ACACA: variants seen among roughly 807,000 people sequenced by gnomAD.
ACACA encodes acetyl-CoA carboxylase alpha, also known as acetyl-CoA carboxylase 1.
A neutral mutation model predicts 296.1 loss-of-function variants in ACACA; 103 were observed. That is an observed-to-expected ratio of 0.35 (90% CI 0.30 to 0.41). The LOEUF is 0.41. Ranked by LOEUF, ACACA falls within the 10% of genes least tolerant of loss-of-function variation. The probability of loss-of-function intolerance (pLI) is 1.00; values close to 1 mark genes in which losing one functional copy is unlikely to be tolerated. For synonymous variants in ACACA, 953 were observed against 1,038.6 expected, an observed-to-expected ratio of 0.92 and a Z score of 1.58; for missense variants, 1,554 against 2,989.7, an observed-to-expected ratio of 0.52 and a Z score of 11.20.
chr17:37,249,257 C>G (rs1272222804), intron 16 of ACACA, among the ~76,000 whole-genome samples: 3 of 152,164 alleles, frequency 2.0e-5, no homozygotes, highest in African/African-American at 7.2e-5. Context: ...ATCCAGTCAT[C>G]CATCAACCAA....
chr17:37,205,377 G>A (rs895283891), intron 33 of ACACA, among the ~76,000 whole-genome samples: 13 of 152,068 alleles, frequency 8.5e-5, no homozygotes, highest in African/African-American at 3.1e-4. Context: ...GAGGATAGAT[G>A]TATAACTGAT....
At chr17:37,108,100 C>A (rs2073788985) in intron 52 of ACACA, among the ~76,000 whole-genome samples, 2 of 152,196 alleles carry the variant, frequency 1.3e-5, no homozygotes. Context: ...TTCTGTGAAT[C>A]AGGGTCAGAA....
chr17:37,257,117 C>T (rs2081262710), intron 14 of ACACA, among the ~76,000 whole-genome samples: 1 of 152,022 alleles, frequency 6.6e-6, no homozygotes, highest in African/African-American at 2.4e-5. Flanking sequence ...TATGATATAG[C>T]AGTTATATTT....
intron 36 of ACACA, among the ~76,000 whole-genome samples, chr17:37,192,976 T>C (rs997180000): frequency 2.0e-5 from 3 of 152,212 alleles, no homozygotes; most frequent in Non-Finnish European, 2.9e-5. Flanking sequence ...GTCAAATATA[T>C]AAGCCGGTAA....
chr17:37,395,820 G>A (rs989156630), intron 1 of ACACA, among the ~76,000 whole-genome samples: 4 of 152,084 alleles, frequency 2.6e-5, no homozygotes, highest in African/African-American at 9.7e-5. Flanking sequence ...TGGGATTATA[G>A]GCGCGAGCCA....
Position 37,192,072 on chromosome 17 carries a change from T to A in ACACA, c.4416+18A>T. 1 of 1,612,972 alleles carries A rather than the reference T, an allele frequency of 6.2e-7. No homozygotes were observed. Among genetic ancestry groups the A allele is most frequent in the Non-Finnish European group, 8.5e-7 (1 of 1,179,030 alleles). On this transcript the variant is annotated intron_variant, in intron 37 of 55. Transcript: ENST00000616317. ...CCCTTCCCTCAGGGATAACATCCCATTAAAGTACAGCACCCACCTTGGTGA... is the reference window on the plus strand; with the variant it reads ...CCCTTCCCTCAGGGATAACATCCCAATAAAGTACAGCACCCACCTTGGTGA...
chr17:37,226,311 C>CT, intron 26 of ACACA, 28 bp downstream of exon 26: 1 of 1,570,278 alleles, frequency 6.4e-7, no homozygotes, highest in Non-Finnish European at 8.8e-7. Flanking sequence ...GCCATCCCTC[C>CT]TTTAAGAAAA....
chr17:37,233,057 G>C (rs1214067208), intron 25 of ACACA, among the ~76,000 whole-genome samples: 2 of 152,172 alleles, frequency 1.3e-5, no homozygotes, highest in Non-Finnish European at 2.9e-5. Flanking sequence ...GAACAGCGTG[G>C]AAAGTCAGAG....
At chr17:37,250,161 T>C (rs891572588) in intron 16 of ACACA, among the ~76,000 whole-genome samples, 4 of 152,156 alleles carry the variant, frequency 2.6e-5, no homozygotes, top group Non-Finnish European at 4.4e-5. Flanking sequence ...CTAATACACA[T>C]ATATATGTTC....
chr17:37,269,574 T>A (rs1441437726), intron 10 of ACACA, among the ~76,000 whole-genome samples: 1 of 152,154 alleles, frequency 6.6e-6, no homozygotes, highest in Non-Finnish European at 1.5e-5. Context: ...GTATGGGCAC[T>A]CAAAGTAAGA....
At chr17:37,243,260 T>C (rs1302948814) in intron 22 of ACACA, 111 bp downstream of exon 22, 13 of 1,156,114 alleles carry the variant, frequency 1.1e-5, no homozygotes, top group Non-Finnish European at 1.7e-5. Flanking sequence ...TGCTTAAAAG[T>C]ATACAAGCAC....
intron 1 of ACACA, among the ~76,000 whole-genome samples, chr17:37,344,544 C>T (rs1396911054): frequency 6.6e-6 from 1 of 151,462 alleles, no homozygotes; most frequent in Non-Finnish European, 1.5e-5. Flanking sequence ...GGTGACAGAG[C>T]GAGACTCCTT....
At chr17:37,209,321 GTA>G (rs2078649357) in intron 30 of ACACA, among the ~76,000 whole-genome samples, 1 of 152,180 alleles carries the variant, frequency 6.6e-6, no homozygotes, top group Non-Finnish European at 1.5e-5. Context: ...GTGAGGCATT[GTA>G]TCTTTTCTAC....
intron 29 of ACACA, among the ~76,000 whole-genome samples, chr17:37,218,326 C>A (rs901954048): frequency 6.6e-6 from 1 of 151,806 alleles, no homozygotes; most frequent in Non-Finnish European, 1.5e-5. Context: ...TTCAAAGATA[C>A]AGTATGAATA....
intron 45 of ACACA, among the ~76,000 whole-genome samples, chr17:37,140,434 C>T (rs1387062552): frequency 6.6e-6 from 1 of 152,096 alleles, no homozygotes; most frequent in African/African-American, 2.4e-5. Context: ...TATCTATTCA[C>T]TCCCCAGCCT....
At chr17:37,216,549 T>C (rs1454316780) in intron 29 of ACACA, among the ~76,000 whole-genome samples, 1 of 150,510 alleles carries the variant, frequency 6.6e-6, no homozygotes, top group South Asian at 2.1e-4. Flanking sequence ...ATTATTGGAG[T>C]TTTTTTTTCT....
At chr17:37,088,187 CAGATA>C (rs1215707660) in intron 55 of ACACA, among the ~76,000 whole-genome samples, 3 of 151,972 alleles carry the variant, frequency 2.0e-5, no homozygotes, top group Middle Eastern at 3.4e-3. Flanking sequence ...TGGTAGATAT[CAGATA>C]AAAGTTTTTA....
chr17:37,405,589 G>C (rs2051453754), intron 1 of ACACA, among the ~76,000 whole-genome samples: 1 of 152,118 alleles, frequency 6.6e-6, no homozygotes, highest in South Asian at 2.1e-4. Flanking sequence ...TTTCGCTCTC[G>C]TTGCCCAGGC....
intron 41 of ACACA, chr17:37,162,801 A>G: frequency 6.0e-6 from 1 of 166,624 alleles, no homozygotes; most frequent in East Asian, 1.9e-4. Context: ...AAAATTGTCT[A>G]CTGTAGGTAG....
Sources: gnomAD v4.1 joint callset for allele counts (sites outside exome capture counted in the v4.1 genomes callset) on GRCh38, gnomAD v4.1.1 for gene constraint, MANE v1.5 for transcripts, NCBI Gene and HGNC (gene_info 2026-07-23, HGNC 2026-07-21) for gene names.